Variants in AP1S3 observed in about 807,000 individuals in gnomAD.
The protein encoded by AP1S3 is AP-1 complex subunit sigma-3.
A neutral mutation model predicts 20.9 loss-of-function variants in AP1S3; 10 were observed. That is an observed-to-expected ratio of 0.48 (90% CI 0.29 to 0.81). The LOEUF is 0.81. Ranked by LOEUF, AP1S3 falls within the 30% of genes least tolerant of loss-of-function variation. The pLI, the probability that AP1S3 is intolerant of heterozygous loss-of-function variation, is 0.08. For missense variants in AP1S3, 154 were observed against 183.8 expected (o/e 0.84, Z 0.94); for synonymous variants, 41 against 61.5 (o/e 0.67, Z 1.56).
intron 1 of AP1S3, among the ~76,000 whole-genome samples, chr2:223,785,009 A>G (rs952481791): frequency 5.3e-5 from 8 of 152,192 alleles, no homozygotes; most frequent in Non-Finnish European, 1.0e-4. Flanking sequence ...GATATTTACT[A>G]AATAGTTTCA....
At chr2:223,824,952 T>G (rs756533131) in intron 1 of AP1S3, among the ~76,000 whole-genome samples, 3 of 152,018 alleles carry the variant, frequency 2.0e-5, no homozygotes, top group Non-Finnish European at 1.5e-5. Context: ...ACATAATTCG[T>G]TAGTGGGATT....
chr2:223,816,500 A>G (rs534282446), intron 1 of AP1S3, among the ~76,000 whole-genome samples: 98 of 152,340 alleles, frequency 6.4e-4, no homozygotes, highest in African/African-American at 2.3e-3. Context: ...CACGAGAACC[A>G]ACAGCAAGGA....
intron 1 of AP1S3, among the ~76,000 whole-genome samples, chr2:223,834,025 C>T (rs1232448904): frequency 1.3e-5 from 2 of 152,134 alleles, no homozygotes; most frequent in Non-Finnish European, 1.5e-5. Context: ...TCTCCTGCCT[C>T]AGCCTCCCAA....
chr2:223,770,270 G>T, intron 3 of AP1S3: 1 of 1,550,576 alleles, frequency 6.4e-7, no homozygotes, highest in South Asian at 1.2e-5. Flanking sequence ...GGCAGGCGTA[G>T]ACCAGGAATC....
At chr2:223,781,683 G>C (rs1447173637) in intron 1 of AP1S3, among the ~76,000 whole-genome samples, 1 of 152,064 alleles carries the variant, frequency 6.6e-6, no homozygotes, top group Non-Finnish European at 1.5e-5. Flanking sequence ...GATCATAAAA[G>C]TGACTGACAC....
At chr2:223,818,598 G>A (rs773596193) in intron 1 of AP1S3, among the ~76,000 whole-genome samples, 18 of 152,100 alleles carry the variant, frequency 1.2e-4, no homozygotes, top group Non-Finnish European at 2.6e-4. Flanking sequence ...TGTCACCCAG[G>A]CAGGAATGCA....
intron 1 of AP1S3, among the ~76,000 whole-genome samples, chr2:223,783,607 C>A (rs188421808): frequency 1.3e-5 from 2 of 152,330 alleles, no homozygotes; most frequent in African/African-American, 4.8e-5. Flanking sequence ...TGCGCCCTGG[C>A]CGGTGTCCGC....
intron 1 of AP1S3, among the ~76,000 whole-genome samples, chr2:223,821,578 T>C (rs1035204123): frequency 1.3e-5 from 2 of 152,188 alleles, no homozygotes; most frequent in Non-Finnish European, 2.9e-5. Context: ...AAGCCAAAAC[T>C]GCACTTACTA....
intron 1 of AP1S3, among the ~76,000 whole-genome samples, chr2:223,802,996 G>A (rs1691502434): frequency 6.6e-6 from 1 of 152,106 alleles, no homozygotes; most frequent in South Asian, 2.1e-4. Context: ...AACATTTCTA[G>A]CAATGAAAAT....
intron 1 of AP1S3, among the ~76,000 whole-genome samples, chr2:223,828,314 T>TTTG: frequency 6.7e-6 from 1 of 148,266 alleles, no homozygotes; most frequent in African/African-American, 2.5e-5. Flanking sequence ...TTTTTTTTTT[T>TTTG]GAGACAGACT....
chr2:223,775,811 C>T, intron 3 of AP1S3, 90 bp downstream of exon 3: 2 of 932,672 alleles, frequency 2.1e-6, no homozygotes, highest in Non-Finnish European at 3.3e-6. Flanking sequence ...TTAGATGTGA[C>T]AGAGAGAAGG....
At chr2:223,772,406 A>G (rs1238400320) in intron 3 of AP1S3, among the ~76,000 whole-genome samples, 1 of 151,874 alleles carries the variant, frequency 6.6e-6, no homozygotes, top group Non-Finnish European at 1.5e-5. Flanking sequence ...CAAACAAAAA[A>G]CTCCCTACAT....
intron 1 of AP1S3, among the ~76,000 whole-genome samples, chr2:223,812,511 C>T (rs575425009): frequency 5.9e-4 from 90 of 152,276 alleles, no homozygotes; most frequent in African/African-American, 2.1e-3. Context: ...TGTGAGCCAC[C>T]GTGCCCAGCC....
chr2:223,776,627 A>G (rs184010393), intron 2 of AP1S3, among the ~76,000 whole-genome samples: 1 of 152,314 alleles, frequency 6.6e-6, no homozygotes, highest in East Asian at 1.9e-4. Flanking sequence ...TGTTGGATGC[A>G]GGGTCAGGTC....
intron 2 of AP1S3, among the ~76,000 whole-genome samples, chr2:223,777,343 C>A (rs1024353162): frequency 6.6e-6 from 1 of 152,066 alleles, no homozygotes; most frequent in African/African-American, 2.4e-5. Context: ...TGCAGTGAGC[C>A]AAGATCACGC....
At chr2:223,800,861 A>T (rs1691452181) in intron 1 of AP1S3, among the ~76,000 whole-genome samples, 1 of 152,220 alleles carries the variant, frequency 6.6e-6, no homozygotes, top group Non-Finnish European at 1.5e-5. Flanking sequence ...GGGAAATAAA[A>T]GTATACAAAT....
In AP1S3 at chr2:223,814,076, G is replaced by A. The variant is rs76562988; in HGVS notation, c.3+23372C>T. On this transcript the variant is annotated intron_variant, in intron 1 of 4. Coordinates refer to ENST00000396654, the MANE Select transcript of AP1S3 (RefSeq NM_001039569.2). ...CCTTTAAAATGTGCCACCAACTAGC[G>A]TCAGATGTGCCCCAATATTTATAAC... Among the ~76,000 whole-genome samples, 554 of 152,262 alleles carry A rather than the reference G, an allele frequency of 3.6e-3. 5 individuals are homozygous for A. Among genetic ancestry groups the A allele is most frequent in the African/African-American group, 0.012 (517 of 41,552 alleles).
At chr2:223,830,038 C>A (rs1465625954) in intron 1 of AP1S3, among the ~76,000 whole-genome samples, 1 of 152,100 alleles carries the variant, frequency 6.6e-6, no homozygotes, top group African/African-American at 2.4e-5. Flanking sequence ...AATTTTCTAT[C>A]CAAATAACTG....
intron 3 of AP1S3, 21 bp from the exon 4 acceptor site, chr2:223,765,371 G>A (rs1690451947): frequency 1.3e-6 from 2 of 1,589,994 alleles, no homozygotes; most frequent in Non-Finnish European, 8.5e-7. Context: ...AAAAACAAAC[G>A]TTTTGATAAA....
Sources: gnomAD v4.1 joint callset for allele counts (sites outside exome capture counted in the v4.1 genomes callset) on GRCh38, gnomAD v4.1.1 for gene constraint, MANE v1.5 for transcripts, NCBI Gene and HGNC (gene_info 2026-07-23, HGNC 2026-07-21) for gene names.